Variants in TRDN observed in about 807,000 individuals in gnomAD.
TRDN encodes triadin, also known as triadin in skeletal muscle.
A neutral mutation model predicts 149.7 loss-of-function variants in TRDN; 161 were observed. The ratio of observed to expected loss-of-function variants is 1.08; its 90% CI spans 0.95 to 1.23. The LOEUF is 1.23. TRDN is among the 50% of genes most tolerant of loss of function. TRDN has a pLI of 0.00. For missense variants in TRDN, 896 were observed against 823.5 expected, an observed-to-expected ratio of 1.09 and a Z score of -1.08; for synonymous variants, 294 against 250.5, an observed-to-expected ratio of 1.17 and a Z score of -1.64.
At chr6:123,533,484 T>G (rs568818773) in intron 4 of TRDN, among the ~76,000 whole-genome samples, 16 of 152,176 alleles carry the variant, frequency 1.1e-4, no homozygotes, top group African/African-American at 3.6e-4. Flanking sequence ...GTGGTGGTTT[T>G]GGGGACTAGA....
intron 6 of TRDN, among the ~76,000 whole-genome samples, chr6:123,513,527 A>C (rs2114862684): frequency 6.6e-6 from 1 of 152,232 alleles, no homozygotes; most frequent in Non-Finnish European, 1.5e-5. Context: ...GTCAGAATAC[A>C]CAGAGCCTAG....
At chr6:123,306,748 A>G (rs74546997) in intron 24 of TRDN, among the ~76,000 whole-genome samples, 7,752 of 152,180 alleles carry the variant, frequency 0.051, 642 homozygotes, top group African/African-American at 0.18. Flanking sequence ...CTTTAGACAT[A>G]ATCAAAGACC....
chr6:123,237,188 T>G (rs1252624015), intron 38 of TRDN, among the ~76,000 whole-genome samples: 1 of 152,200 alleles, frequency 6.6e-6, no homozygotes, highest in African/African-American at 2.4e-5. Context: ...TTTTTAAATT[T>G]TGTTTCCAAT....
intron 14 of TRDN, among the ~76,000 whole-genome samples, chr6:123,387,527 T>G (rs1781950739): frequency 6.6e-6 from 1 of 152,140 alleles, no homozygotes; most frequent in Non-Finnish European, 1.5e-5. Flanking sequence ...TTATTACCAT[T>G]GTTTATCCTC....
At chr6:123,376,412 G>C (rs183775236) in intron 18 of TRDN, among the ~76,000 whole-genome samples, 2 of 152,208 alleles carry the variant, frequency 1.3e-5, no homozygotes, top group East Asian at 3.9e-4. Context: ...AAAGTCTTCT[G>C]TTTTTAAATT....
chr6:123,408,929 A>C (rs1040732984), intron 12 of TRDN, among the ~76,000 whole-genome samples: 2 of 152,160 alleles, frequency 1.3e-5, no homozygotes, highest in Non-Finnish European at 2.9e-5. Flanking sequence ...ATAACACTGG[A>C]GAGCACTGCA....
At chr6:123,557,699 G>C (rs1423338922) in intron 2 of TRDN, among the ~76,000 whole-genome samples, 2 of 151,966 alleles carry the variant, frequency 1.3e-5, no homozygotes, top group African/African-American at 4.8e-5. Flanking sequence ...CGCCTGTCTT[G>C]GTCCTTCACC....
chr6:123,223,119 C>A (rs867590123), intron 39 of TRDN, among the ~76,000 whole-genome samples: 1 of 151,752 alleles, frequency 6.6e-6, no homozygotes, highest in Admixed American at 6.6e-5. Context: ...ACAGAACTAT[C>A]ATTCAACCCA....
At chr6:123,387,797 T>C (rs765281611) in intron 14 of TRDN, among the ~76,000 whole-genome samples, 4 of 152,072 alleles carry the variant, frequency 2.6e-5, no homozygotes, top group African/African-American at 4.8e-5. Context: ...CTAATTATTA[T>C]AGGAAGAATT....
intron 1 of TRDN, among the ~76,000 whole-genome samples, chr6:123,584,452 C>A (rs924436535): frequency 2.0e-5 from 3 of 151,956 alleles, no homozygotes; most frequent in African/African-American, 7.2e-5. Flanking sequence ...AGGGTGCGGT[C>A]CTGGCTCTTG....
chr6:123,522,509 C>A, intron 5 of TRDN, among the ~76,000 whole-genome samples: 1 of 131,382 alleles, frequency 7.6e-6, no homozygotes, highest in African/African-American at 2.8e-5. Flanking sequence ...TGTGGGGGTG[C>A]GGTTCCTCTT....
At chr6:123,517,360 T>A (rs1583176935) in intron 5 of TRDN, among the ~76,000 whole-genome samples, 3 of 152,232 alleles carry the variant, frequency 2.0e-5, no homozygotes, top group Admixed American at 2.0e-4. Flanking sequence ...TATCATAATA[T>A]TATAATACCC....
chr6:123,598,452 C>T (rs557141759), intron 1 of TRDN, among the ~76,000 whole-genome samples: 58 of 152,128 alleles, frequency 3.8e-4, no homozygotes, highest in African/African-American at 1.3e-3. Context: ...TTAAGAAACC[C>T]TAGCTCCCAT....
intron 11 of TRDN, 150 bp downstream of exon 11, chr6:123,438,794 G>T: frequency 6.0e-6 from 3 of 500,492 alleles, no homozygotes; most frequent in Admixed American, 4.3e-5. Context: ...ATTTTATTTG[G>T]AATATCTAGA....
At chr6:123,505,958 T>C (rs914083121) in intron 7 of TRDN, among the ~76,000 whole-genome samples, 1 of 152,174 alleles carries the variant, frequency 6.6e-6, no homozygotes, top group Non-Finnish European at 1.5e-5. Flanking sequence ...GATTTTCTTC[T>C]TCCTATAAAT....
Position 123,604,440 on chromosome 6 carries a change from G to A in TRDN, c.22+32314C>T, listed in dbSNP as rs1784428067. 3.3e-5 allele frequency among the ~76,000 whole-genome samples: 5 copies of A among 152,188 alleles called. No individual in the cohort carries two copies. The South Asian group carries it at 6.2e-4, about 19-fold the overall frequency. On this transcript the variant is annotated intron_variant, in intron 1 of 40. Coordinates refer to ENST00000334268, the MANE Select transcript of TRDN (RefSeq NM_006073.4). ...CAGAAAATACATTTACAATGCCTGC[G>A]AGTGCTGAAATGAAGAGGCTGGACT...
chr6:123,430,942 C>T (rs1177404442), intron 12 of TRDN, among the ~76,000 whole-genome samples: 1 of 152,136 alleles, frequency 6.6e-6, no homozygotes, highest in African/African-American at 2.4e-5. Context: ...AACAGATTAG[C>T]TTCCAGAGCT....
intron 12 of TRDN, among the ~76,000 whole-genome samples, chr6:123,423,851 A>G (rs1007528668): frequency 2.6e-5 from 4 of 152,108 alleles, no homozygotes; most frequent in Non-Finnish European, 5.9e-5. Context: ...TCAAATTACC[A>G]TCTATAAAAA....
At chr6:123,455,186 A>G (rs1321031249) in intron 10 of TRDN, among the ~76,000 whole-genome samples, 1 of 152,228 alleles carries the variant, frequency 6.6e-6, no homozygotes, top group African/African-American at 2.4e-5. Flanking sequence ...GTAACGAGAA[A>G]GATTATTCAA....
Sources: allele counts gnomAD v4.1 joint callset (sites outside exome capture counted in the v4.1 genomes callset), GRCh38; gene constraint gnomAD v4.1.1; transcripts MANE v1.5; gene names NCBI Gene and HGNC (gene_info 2026-07-23, HGNC 2026-07-21).